Variants in TUT7 observed in about 807,000 individuals in gnomAD.
TUT7 encodes terminal uridylyltransferase 7.
Under a neutral mutation model 165.9 loss-of-function variants are expected in TUT7, and 33 were observed. The observed-to-expected ratio is 0.20, with a 90% CI of 0.15 to 0.27. The LOEUF (loss-of-function observed/expected upper bound fraction) is 0.27, where lower values mean the gene tolerates loss of function less well. Ranked by LOEUF, TUT7 falls within the 10% of genes least tolerant of loss-of-function variation. The pLI is 1.00. For missense variants in TUT7, 1,338 were observed against 1,762.3 expected (o/e 0.76, Z 4.31); for synonymous variants, 552 against 608.1 (o/e 0.91, Z 1.36).
At chr9:86,292,551 C>T (rs1424241496) in intron 26 of TUT7, among the ~76,000 whole-genome samples, 1 of 147,106 alleles carries the variant, frequency 6.8e-6, no homozygotes, top group African/African-American at 2.5e-5. Context: ...ACAGAGGAAA[C>T]GATGTTGGTG....
In TUT7 at chr9:86,317,088, C is replaced by T. The variant is rs531489507; in HGVS notation, c.3274+131G>A. The T allele has an allele frequency of 1.1e-3, 740 of 684,578 alleles. 11 individuals are homozygous for T. The highest frequency in any genetic ancestry group is 8.0e-4 in the Middle Eastern group (3 of 3,772). 42.4% of individuals were successfully genotyped at this position (684,578 alleles called of 1,614,324 possible). A position where few individuals can be genotyped will look rare whatever the true frequency, so the allele number is the denominator to read the frequency against. On this transcript the variant is annotated intron_variant, in intron 17 of 26. Coordinates refer to ENST00000375963, the MANE Select transcript of TUT7 (RefSeq NM_024617.4). ...TTGAGCATCTAAGGATTTTTTTTAT[C>T]TGCTGGGGAAGGGAGGGTTGAGGGG... is the stretch of plus-strand genomic sequence containing the variant.
At chr9:86,340,318 G>T (rs1831221289) in intron 7 of TUT7, among the ~76,000 whole-genome samples, 1 of 152,174 alleles carries the variant, frequency 6.6e-6, no homozygotes, top group South Asian at 2.1e-4. Context: ...TTTGTAAAGT[G>T]AATGTTTCAT....
intron 17 of TUT7, among the ~76,000 whole-genome samples, chr9:86,312,099 A>G (rs1385741618): frequency 6.6e-6 from 1 of 150,930 alleles, no homozygotes; most frequent in East Asian, 2.0e-4. Context: ...GGATGTGAGG[A>G]GCCCCTCTGC....
Position 86,322,403 on chromosome 9 carries a change from T to G in TUT7, c.2950A>C (p.Arg984=). 6.2e-7 allele frequency: 1 copy of G among 1,614,170 alleles called. No homozygotes were observed. Among genetic ancestry groups the G allele is most frequent in the Non-Finnish European group, 8.5e-7 (1 of 1,179,994 alleles). Residue 984 remains arginine (R), a synonymous_variant, in exon 14 of 27, where the codon AGA becomes CGA. Transcript: ENST00000375963. ...LKKDCPEDFK[R]IQLEPLPPLT... is the part of the protein sequence containing the mutation. ...GGTGGCAGAGGTTCTAGCTGGATTC[T>G]TTTGAAGTCTTCAGGACAGTCCTTC...
chr9:86,351,574 G>A (rs1008278812), intron 2 of TUT7, among the ~76,000 whole-genome samples: 1 of 152,198 alleles, frequency 6.6e-6, no homozygotes, highest in Non-Finnish European at 1.5e-5. Flanking sequence ...CTAAGACCTT[G>A]TAAAGATAAA....
In TUT7 at chr9:86,301,392, G is replaced by A. The variant is rs1284602591; in HGVS notation, c.4304C>T (p.Pro1435Leu). 9 of 1,613,940 alleles carry A rather than the reference G, an allele frequency of 5.6e-6. No individual in the cohort carries two copies. In the East Asian group the frequency reaches 1.6e-4, roughly 28 times the overall value. The change falls in exon 26 of 27, where the codon CCA becomes CTA. Residue 1435 changes from proline to leucine, a missense_variant. Pro to Leu is a moderately conservative substitution (Grantham distance 98, BLOSUM62 -3). This residue lies in a region of TUT7 where 167 missense variants were observed against 204.9 expected (regional missense o/e 0.82). Transcript: ENST00000375963. ...CTGTCTCTTCCATTTTTCTACTGGT[G>A]GCCTGAGGATCTTCTCCCTCCCCAG... ...ADLGREKILR[P>L]PVEKWKRQDD...
At position 86,312,478 on chromosome 9, in the gene TUT7, G is replaced by A. The variant is rs573529306; in HGVS notation, c.3275-1669C>T. Among the ~76,000 whole-genome samples the A allele has an allele frequency of 8.0e-3, 1,214 of 151,532 alleles. 17 individuals are homozygous for A. Among genetic ancestry groups the A allele is most frequent in the African/African-American group, 0.027 (1,101 of 41,252 alleles). ...TCTCCACCCGGCAGCCACCCCATCCGGGAGGGAGGTGGGGGGGTCAGTCCC... is the reference window on the plus strand; with the variant it reads ...TCTCCACCCGGCAGCCACCCCATCCAGGAGGGAGGTGGGGGGGTCAGTCCC... On this transcript the variant is annotated intron_variant, in intron 17 of 26. Coordinates refer to ENST00000375963, the MANE Select transcript of TUT7 (RefSeq NM_024617.4).
At chr9:86,320,574 A>G (rs1462089444) in intron 14 of TUT7, among the ~76,000 whole-genome samples, 2 of 152,206 alleles carry the variant, frequency 1.3e-5, no homozygotes, top group African/African-American at 2.4e-5. Flanking sequence ...TCTAAGAGAG[A>G]AGGGAGTGTG....
At chr9:86,343,027 G>T in intron 6 of TUT7, 48 bp downstream of exon 6, 1 of 1,224,640 alleles carries the variant, frequency 8.2e-7, no homozygotes, top group South Asian at 1.3e-5. Flanking sequence ...TTGTAAGAAA[G>T]AATTTCCATA....
At chr9:86,330,301 C>G (rs1391821748) in intron 10 of TUT7, among the ~76,000 whole-genome samples, 4 of 152,060 alleles carry the variant, frequency 2.6e-5, no homozygotes, top group Non-Finnish European at 5.9e-5. Context: ...CTCAGGTGAT[C>G]CACCCACCTT....
Position 86,345,705 on chromosome 9 carries a change from C to T in TUT7, c.783G>A (p.Lys261=). The T allele has an allele frequency of 6.2e-7, 1 of 1,613,660 alleles. No homozygotes were observed. ...TCTTGTGCCTCTTTTCCTTGATATG[C>T]TTATGGGCAAATGCAATGGATTCAA... ...VLIESIAFAH[K]HIKEKRHKKN... The change falls in exon 4 of 27, where the codon AAG becomes AAA. Residue 261 remains lysine, a synonymous_variant. Transcript: ENST00000375963.
chr9:86,294,654 T>C (rs1198026268), intron 26 of TUT7, among the ~76,000 whole-genome samples: 1 of 151,708 alleles, frequency 6.6e-6, no homozygotes, highest in Non-Finnish European at 1.5e-5. Flanking sequence ...CCCAAAGATA[T>C]GTGAATGTAT....
intron 12 of TUT7, chr9:86,324,275 G>A (rs943325847): frequency 4.7e-5 from 8 of 170,388 alleles, no homozygotes; most frequent in Admixed American, 1.8e-4. Context: ...TCAGGCCCTT[G>A]GGAAGGAAGA....
rs1181775354 is a variant in TUT7 at position 86,323,186 on chromosome 9, T to A, written c.2564A>T (p.Glu855Val). 8.7e-6 allele frequency: 14 copies of A among 1,614,012 alleles called. No individual in the cohort carries two copies. The highest frequency in any genetic ancestry group is 1.2e-5 in the Non-Finnish European group (14 of 1,180,028). ...DEEEEDDEEE[E>V]EEEEPRLTIN... ...GGTGAGCCTAGGTTCTTCTTCCTCCTCCTCTTCTTCGTCGTCCTCCTCCTC... is the reference window on the plus strand; with the variant it reads ...GGTGAGCCTAGGTTCTTCTTCCTCCACCTCTTCTTCGTCGTCCTCCTCCTC... Residue 855 changes from glutamate (E) to valine (V), a missense_variant, in exon 13 of 27, where the codon GAG (glutamate) becomes GTG (valine). This residue lies in a region of TUT7 where 425 missense variants were observed against 474.9 expected (regional missense o/e 0.89). Coordinates refer to ENST00000375963, the MANE Select transcript of TUT7 (RefSeq NM_024617.4).
At chr9:86,299,037 C>T (rs1164628521) in intron 26 of TUT7, among the ~76,000 whole-genome samples, 3 of 152,082 alleles carry the variant, frequency 2.0e-5, no homozygotes, top group African/African-American at 7.2e-5. Flanking sequence ...CGCACCACAC[C>T]CGCGCAGGAC....
Position 86,303,199 on chromosome 9 carries a change from T to C in TUT7, c.3981A>G (p.Glu1327=), listed in dbSNP as rs1827109673. ...GFPKDYPSKM[E]YFFDPDVLTE... is the part of the protein sequence containing the mutation. ...TTAACACATCTGGATCAAAAAAGTA[T>C]TCCTAGAAGAACATAAATATATAAA... The change falls in exon 25 of 27, where the codon GAA becomes GAG. Residue 1327 remains glutamate, a splice_region_variant and synonymous_variant. Transcript: ENST00000375963. 1.3e-6 allele frequency: 2 copies of C among 1,555,556 alleles called. No homozygotes were observed. The highest frequency in any genetic ancestry group is 2.2e-5 in the East Asian group (1 of 44,556).
intron 17 of TUT7, among the ~76,000 whole-genome samples, chr9:86,312,773 A>G (rs1329595093): frequency 6.6e-6 from 1 of 152,122 alleles, no homozygotes; most frequent in East Asian, 1.9e-4. Flanking sequence ...TACTAAGAAA[A>G]ATTCTTCTGC....
At position 86,352,765 on chromosome 9, in the gene TUT7, T is replaced by C. The variant is rs200684729; in HGVS notation, c.435A>G (p.Thr145=). The change falls in exon 2 of 27, where the codon ACA becomes ACG. Residue 145 remains threonine, a synonymous_variant. Coordinates refer to ENST00000375963, the MANE Select transcript of TUT7 (RefSeq NM_024617.4). ...GTCGTCTTACAGTTCTGCAGCCTCT[T>C]GTGTCTTGCCACCTATAACCATCTT... ...ENEDGYRWQD[T]RGCRTVRRLF... 5.6e-6 allele frequency: 9 copies of C among 1,614,104 alleles called. No individual in the cohort carries two copies. Among genetic ancestry groups the C allele is most frequent in the Non-Finnish European group, 6.8e-6 (8 of 1,180,046 alleles).
intron 8 of TUT7, 114 bp from the exon 9 acceptor site, chr9:86,339,063 AAATAAAAAGCTTAAAAGTGAAAAAAAC>A: frequency 2.0e-6 from 2 of 997,118 alleles, no homozygotes; most frequent in Non-Finnish European, 2.6e-6. Context: ...AATACTTCAA[AAATAAAAAGCTTAAAAGTGAAAAAAAC>A]TACATCTTTA....
Sources: gnomAD v4.1 joint callset for allele counts (sites outside exome capture counted in the v4.1 genomes callset) on GRCh38, gnomAD v4.1.1 for gene constraint, gnomAD v4.1.1 regional missense constraint, MANE v1.5 for transcripts, NCBI Gene and HGNC (gene_info 2026-07-23, HGNC 2026-07-21) for gene names.